Variants in GLIS1 observed in about 807,000 individuals in gnomAD.
GLIS1 encodes the protein zinc finger protein GLIS1.
In GLIS1, 24 loss-of-function variants were observed where a neutral mutation model predicts 63.8. That is an observed-to-expected ratio of 0.38 (90% CI 0.27 to 0.53). GLIS1 has a LOEUF of 0.53. Ranked by LOEUF, GLIS1 falls within the 20% of genes least tolerant of loss-of-function variation. The pLI is 0.85. For missense variants in GLIS1, 1,036 were observed against 1,074.1 expected, an observed-to-expected ratio of 0.96 and a Z score of 0.50; for synonymous variants, 450 against 482.5, an observed-to-expected ratio of 0.93 and a Z score of 0.88.
At chr1:53,680,102 G>C (rs939226160) in intron 2 of GLIS1, among the ~76,000 whole-genome samples, 6 of 152,102 alleles carry the variant, frequency 3.9e-5, no homozygotes, top group African/African-American at 1.2e-4. Context: ...TCTGCTGAAT[G>C]AAGGAGGGAG....
intron 2 of GLIS1, among the ~76,000 whole-genome samples, chr1:53,707,745 G>T (rs1646595538): frequency 6.6e-6 from 1 of 151,896 alleles, no homozygotes; most frequent in Non-Finnish European, 1.5e-5. Flanking sequence ...TACAGATAGG[G>T]TCTCAGTATG....
chr1:53,713,551 C>T (rs140970146), intron 2 of GLIS1, among the ~76,000 whole-genome samples: 7 of 152,330 alleles, frequency 4.6e-5, no homozygotes, highest in Non-Finnish European at 1.0e-4. Flanking sequence ...CTCGTCTCTT[C>T]AAGACCAGCC....
intron 9 of GLIS1, 103 bp downstream of exon 9, chr1:53,509,746 T>G: frequency 1.4e-6 from 1 of 703,434 alleles, no homozygotes; most frequent in Non-Finnish European, 2.0e-6. Context: ...GGTCATTCTC[T>G]GAGTACCTGC....
chr1:53,675,856 AC>A (rs936315043), intron 2 of GLIS1, among the ~76,000 whole-genome samples: 1 of 149,178 alleles, frequency 6.7e-6, no homozygotes, highest in Non-Finnish European at 1.5e-5. Flanking sequence ...ACCTCCCCCA[AC>A]CCCCACCCCA....
At chr1:53,649,063 T>C (rs943511783) in intron 2 of GLIS1, among the ~76,000 whole-genome samples, 5 of 152,226 alleles carry the variant, frequency 3.3e-5, no homozygotes, top group Non-Finnish European at 7.3e-5. Flanking sequence ...TTTTGGAGAT[T>C]TGCAACAATT....
At chr1:53,704,144 G>A (rs1372028859) in intron 2 of GLIS1, among the ~76,000 whole-genome samples, 1 of 152,218 alleles carries the variant, frequency 6.6e-6, no homozygotes, top group African/African-American at 2.4e-5. Context: ...TGTGGCCTTT[G>A]AAAAGTCTTC....
chr1:53,557,115 C>T lies in GLIS1; in HGVS notation c.1321-27163G>A, dbSNP rs566607982. Among the ~76,000 whole-genome samples, 23 of 152,098 alleles carry T rather than the reference C, an allele frequency of 1.5e-4. No individual in the cohort carries two copies. In the South Asian group the frequency reaches 4.6e-3, roughly 30 times the overall value. On this transcript the variant is annotated intron_variant, in intron 4 of 10. Transcript: ENST00000628545. ...TATACTTCAAGGTGTGTGCATGGGA[C>T]ATAAGCAGCACCAGGCCAGCATCCC... is the stretch of plus-strand genomic sequence containing the variant.
intron 4 of GLIS1, among the ~76,000 whole-genome samples, chr1:53,562,606 C>T (rs769261077): frequency 6.6e-6 from 1 of 152,196 alleles, no homozygotes; most frequent in Non-Finnish European, 1.5e-5. Context: ...CATCGCACCA[C>T]ACTGCCCCGG....
intron 2 of GLIS1, among the ~76,000 whole-genome samples, chr1:53,722,245 C>T (rs1397450785): frequency 2.6e-5 from 4 of 152,236 alleles, no homozygotes; most frequent in South Asian, 4.1e-4. Flanking sequence ...ACCCTGTAGC[C>T]TAGTAATTTC....
At chr1:53,736,109 T>C (rs1211619332) in intron 2 of GLIS1, among the ~76,000 whole-genome samples, 1 of 152,230 alleles carries the variant, frequency 6.6e-6, no homozygotes, top group Non-Finnish European at 1.5e-5. Flanking sequence ...TGAAGAAAAG[T>C]TGTGAAACCT....
intron 2 of GLIS1, among the ~76,000 whole-genome samples, chr1:53,683,709 G>T (rs187511256): frequency 6.6e-6 from 1 of 152,274 alleles, no homozygotes; most frequent in Non-Finnish European, 1.5e-5. Flanking sequence ...CCCGGTAAAT[G>T]CTTGTCAGGA....
At chr1:53,709,985 G>T (rs1646629657) in intron 2 of GLIS1, among the ~76,000 whole-genome samples, 2 of 152,284 alleles carry the variant, frequency 1.3e-5, no homozygotes, top group South Asian at 4.1e-4. Context: ...CAGAACAGGT[G>T]GGGTAAAGTA....
chr1:53,507,683 T>G (rs1182488876), intron 10 of GLIS1, among the ~76,000 whole-genome samples: 1 of 152,034 alleles, frequency 6.6e-6, no homozygotes, highest in African/African-American at 2.4e-5. Context: ...CGGGGAGGTG[T>G]GCACAGAAAG....
In GLIS1 at chr1:53,516,458, G is replaced by A. The variant is rs116101134; in HGVS notation, c.1727-1677C>T. ...GGGAGCAAAATAAATGAAACTGCAC[G>A]GATTAACAAGGGGAGCAGCAGGGCC... On this transcript the variant is annotated intron_variant, in intron 7 of 10. Transcript: ENST00000628545. 6.6e-5 allele frequency among the ~76,000 whole-genome samples: 10 copies of A among 152,076 alleles called. No homozygotes were observed. In the East Asian group the frequency reaches 9.7e-4, roughly 15 times the overall value.
chr1:53,681,759 C>A (rs973603001), intron 2 of GLIS1, among the ~76,000 whole-genome samples: 1 of 151,446 alleles, frequency 6.6e-6, no homozygotes, highest in African/African-American at 2.4e-5. Flanking sequence ...ACAGGAGGAC[C>A]TACCCTTAGG....
At chr1:53,714,764 T>A (rs1646680716) in intron 2 of GLIS1, among the ~76,000 whole-genome samples, 1 of 152,234 alleles carries the variant, frequency 6.6e-6, no homozygotes, top group Non-Finnish European at 1.5e-5. Context: ...TGACCATCAC[T>A]GAGATGGACA....
chr1:53,685,319 T>C (rs1003808558), intron 2 of GLIS1, among the ~76,000 whole-genome samples: 6 of 152,154 alleles, frequency 3.9e-5, no homozygotes, highest in Non-Finnish European at 1.5e-5. Context: ...TACCATTCCT[T>C]GTGGCCGCCC....
intron 2 of GLIS1, among the ~76,000 whole-genome samples, chr1:53,717,864 C>T (rs959428386): frequency 1.3e-5 from 2 of 152,196 alleles, no homozygotes; most frequent in Non-Finnish European, 2.9e-5. Flanking sequence ...ACAGCAGGTG[C>T]TCAACAAAAA....
chr1:53,564,144 T>C (rs1644915641), intron 4 of GLIS1, among the ~76,000 whole-genome samples: 1 of 152,176 alleles, frequency 6.6e-6, no homozygotes, highest in Non-Finnish European at 1.5e-5. Flanking sequence ...TGCCCTCTAA[T>C]GCACGGGGTT....
Sources: gnomAD v4.1 joint callset for allele counts (sites outside exome capture counted in the v4.1 genomes callset) on GRCh38, gnomAD v4.1.1 for gene constraint, MANE v1.5 for transcripts, NCBI Gene and HGNC (gene_info 2026-07-23, HGNC 2026-07-21) for gene names.